TCF12: variants seen among roughly 807,000 people sequenced by gnomAD.
TCF12 encodes the protein DNA-binding protein HTF4.
Under a neutral mutation model 86.0 loss-of-function variants are expected in TCF12, and 45 were observed. The ratio of observed to expected loss-of-function variants is 0.52; its 90% CI spans 0.41 to 0.67. The LOEUF (loss-of-function observed/expected upper bound fraction) is 0.67, where lower values mean the gene tolerates loss of function less well. Among genes scored for constraint, TCF12 ranks in the 30% least tolerant of loss-of-function variants. The pLI is 0.00. For missense variants in TCF12, 881 were observed against 859.9 expected (o/e 1.02, Z -0.31); for synonymous variants, 330 against 299.6 (o/e 1.10, Z -1.05).
chr15:57,253,211 A>G, intron 15 of TCF12, 51 bp from the exon 16 acceptor site: 1 of 1,598,282 alleles, frequency 6.3e-7, no homozygotes, highest in South Asian at 1.1e-5. Flanking sequence ...CAGTTAATGA[A>G]TCTAACAGAT....
chr15:57,097,471 T>TGAGCCAGATCACTTC (rs1435431713), intron 5 of TCF12, among the ~76,000 whole-genome samples: 1 of 151,984 alleles, frequency 6.6e-6, no homozygotes, highest in Admixed American at 6.6e-5. Context: ...GAGATTGCAG[T>TGAGCCAGATCACTTC]GAGCCAGATC....
chr15:56,998,900 A>C (rs535929335), intron 3 of TCF12, among the ~76,000 whole-genome samples: 1 of 152,272 alleles, frequency 6.6e-6, no homozygotes, highest in East Asian at 1.9e-4. Flanking sequence ...ATCTCCAAGT[A>C]CTTAGAAATT....
intron 3 of TCF12, among the ~76,000 whole-genome samples, chr15:57,020,128 A>T (rs1567265660): frequency 1.3e-5 from 2 of 152,244 alleles, no homozygotes; most frequent in Non-Finnish European, 2.9e-5. Flanking sequence ...GTCATGTTTA[A>T]TTGTACATAT....
chr15:57,078,563 T>C (rs1484339248), intron 4 of TCF12, among the ~76,000 whole-genome samples: 2 of 152,228 alleles, frequency 1.3e-5, no homozygotes, highest in Non-Finnish European at 2.9e-5. Context: ...CAATGCCTAA[T>C]GTATTATAGG....
chr15:57,070,001 G>A (rs530557680), intron 4 of TCF12, among the ~76,000 whole-genome samples: 2 of 152,212 alleles, frequency 1.3e-5, no homozygotes, highest in East Asian at 3.9e-4. Flanking sequence ...CAAGTTATGT[G>A]TTTTTACTTT....
At chr15:57,218,979 CAT>C in intron 8 of TCF12, 2 of 981,012 alleles carry the variant, frequency 2.0e-6, no homozygotes, top group Non-Finnish European at 2.5e-6. Flanking sequence ...TCTTGTTACA[CAT>C]GATTCAGTGT....
intron 3 of TCF12, among the ~76,000 whole-genome samples, chr15:56,949,201 G>A (rs2061153422): frequency 6.6e-6 from 1 of 151,932 alleles, no homozygotes; most frequent in African/African-American, 2.4e-5. Context: ...TACTCTGTAC[G>A]CTAATTAAGC....
At chr15:57,175,372 T>C (rs1475355263) in intron 6 of TCF12, among the ~76,000 whole-genome samples, 1 of 151,994 alleles carries the variant, frequency 6.6e-6, no homozygotes. Flanking sequence ...AAAAAAGAAT[T>C]CCTACAACTC....
chr15:57,262,008 T>C (rs2060609475), intron 16 of TCF12, 86 bp from the exon 17 acceptor site: 1 of 839,502 alleles, frequency 1.2e-6, no homozygotes, highest in Admixed American at 2.8e-5. Context: ...CTGTTTTCTC[T>C]ATTAAACCTA....
chr15:57,168,170 C>T (rs2055039716), intron 6 of TCF12, among the ~76,000 whole-genome samples: 1 of 152,044 alleles, frequency 6.6e-6, no homozygotes, highest in Admixed American at 6.5e-5. Context: ...TAAAAACAAG[C>T]AAAACAATGG....
intron 13 of TCF12, chr15:57,247,631 T>A (rs2059924368): frequency 3.8e-6 from 3 of 789,004 alleles, no homozygotes; most frequent in Admixed American, 1.7e-5. Flanking sequence ...TCTTAAATTA[T>A]ATTCTTCTGT....
chr15:57,118,431 G>T (rs1363469931), intron 5 of TCF12: 1 of 152,122 alleles, frequency 6.6e-6, no homozygotes, highest in Non-Finnish European at 1.5e-5. Flanking sequence ...CTTTGGATCA[G>T]CAGTATGTGC....
At chr15:57,088,048 G>T (rs2048761698) in intron 4 of TCF12, among the ~76,000 whole-genome samples, 3 of 152,158 alleles carry the variant, frequency 2.0e-5, no homozygotes, top group Admixed American at 2.0e-4. Context: ...TATATTTAAT[G>T]ATGTCACTGA....
intron 20 of TCF12, among the ~76,000 whole-genome samples, chr15:57,285,785 C>T (rs1283516042): frequency 6.6e-6 from 1 of 152,148 alleles, no homozygotes. Flanking sequence ...ACCATATAGC[C>T]GGGTGTGGTG....
At chr15:57,158,771 T>C (rs1371279165) in intron 5 of TCF12, among the ~76,000 whole-genome samples, 4 of 152,222 alleles carry the variant, frequency 2.6e-5, no homozygotes, top group African/African-American at 9.6e-5. Flanking sequence ...CATTTTCCTA[T>C]GCTGCTGCCT....
chr15:57,201,070 CT>C (rs1485302852), intron 8 of TCF12, among the ~76,000 whole-genome samples: 4 of 152,232 alleles, frequency 2.6e-5, no homozygotes, highest in African/African-American at 9.6e-5. Flanking sequence ...GCATAGTTTT[CT>C]TCCTCCTGAT....
At chr15:57,135,921 A>T (rs897314301) in intron 5 of TCF12, among the ~76,000 whole-genome samples, 2 of 147,684 alleles carry the variant, frequency 1.4e-5, no homozygotes, top group Admixed American at 6.9e-5. Flanking sequence ...AGGGGGAAAA[A>T]ATCTGGATTT....
intron 4 of TCF12, among the ~76,000 whole-genome samples, chr15:57,066,447 C>A (rs1224475454): frequency 6.6e-6 from 1 of 151,940 alleles, no homozygotes; most frequent in Non-Finnish European, 1.5e-5. Flanking sequence ...GCAGATACTT[C>A]AGTAGAAATC....
rs1286029276 is a variant in TCF12 at position 56,962,119 on chromosome 15, C to T, written c.148+41021C>T. Among the ~76,000 whole-genome samples the T allele has an allele frequency of 1.6e-4, 20 of 123,836 alleles. No individual in the cohort carries two copies. The South Asian group carries it at 3.5e-3, about 22-fold the overall frequency. The allele number at this position is 123,836 out of a possible 152,430, so 81.2% of individuals were successfully genotyped here. ...CTGTACTCCAGCCTGGGTGACAGAGCGAGACTCCGTCTCAAAAAAAAAAAA... is the reference window on the plus strand; with the variant it reads ...CTGTACTCCAGCCTGGGTGACAGAGTGAGACTCCGTCTCAAAAAAAAAAAA... On this transcript the variant is annotated intron_variant, in intron 3 of 20. Transcript: ENST00000333725.
Sources: allele counts gnomAD v4.1 joint callset (sites outside exome capture counted in the v4.1 genomes callset), GRCh38; gene constraint gnomAD v4.1.1; transcripts MANE v1.5; gene names NCBI Gene and HGNC (gene_info 2026-07-23, HGNC 2026-07-21).